The following TMEM132E variants were observed in gnomAD, a reference collection of about 807,000 sequenced individuals.
TMEM132E encodes the protein transmembrane protein 132E.
A neutral mutation model predicts 78.5 loss-of-function variants in TMEM132E; 49 were observed. The observed-to-expected ratio is 0.62, with a 90% CI of 0.50 to 0.79. The LOEUF is 0.79. TMEM132E is among the 30% of genes least tolerant of loss of function. The pLI, the probability that TMEM132E is intolerant of heterozygous loss-of-function variation, is 0.00. For synonymous variants in TMEM132E, 715 were observed against 670.6 expected, an observed-to-expected ratio of 1.07 and a Z score of -1.02; for missense variants, 1,403 against 1,470.9, an observed-to-expected ratio of 0.95 and a Z score of 0.75.
chr17:34,611,258 A>G (rs186944132), intron 1 of TMEM132E, among the ~76,000 whole-genome samples: 34 of 152,342 alleles, frequency 2.2e-4, no homozygotes, highest in African/African-American at 8.2e-4. Flanking sequence ...ACTCAAGAGC[A>G]GGCAGGGGTG....
At position 34,629,219 on chromosome 17, in the gene TMEM132E, G is replaced by A; in HGVS notation, c.1338+15G>A. On this transcript the variant is annotated intron_variant, in intron 4 of 8. Transcript: ENST00000631683. Reference sequence around the variant, plus strand: ...CCCTGGCCATGGTGAGCAGGCAGGTGACCAGCCCAGAAGATGCCTGGGTCT... The same window carrying A: ...CCCTGGCCATGGTGAGCAGGCAGGTAACCAGCCCAGAAGATGCCTGGGTCT... 6.2e-7 allele frequency: 1 copy of A among 1,612,672 alleles called. No individual in the cohort carries two copies. The highest frequency in any genetic ancestry group is 8.5e-7 in the Non-Finnish European group (1 of 1,179,528).
rs539661432 is a variant in TMEM132E at position 34,637,828 on chromosome 17, G to C, written c.2821G>C (p.Gly941Arg). Residue 941 changes from glycine to arginine, a missense_variant, in exon 9 of 9, where the codon GGG becomes CGG. Transcript: ENST00000631683. ...HSHHWVFLGNGQPLRVQGELS... is the reference protein window; with the variant it reads ...HSHHWVFLGNRQPLRVQGELS... ...TCACCACTGGGTGTTCCTGGGCAACGGGCAGCCGCTGCGGGTGCAAGGAGA... is the reference window on the plus strand; with the variant it reads ...TCACCACTGGGTGTTCCTGGGCAACCGGCAGCCGCTGCGGGTGCAAGGAGA... 2 of 1,611,204 alleles carry C rather than the reference G, an allele frequency of 1.2e-6. No homozygotes were observed. The highest frequency in any genetic ancestry group is 1.7e-5 in the Admixed American group (1 of 59,964).
chr17:34,597,298 C>T (rs113261075), intron 1 of TMEM132E, among the ~76,000 whole-genome samples: 1,879 of 152,248 alleles, frequency 0.012, 15 homozygotes, highest in Middle Eastern at 0.034. Flanking sequence ...TCCCTTGGGG[C>T]AGGGCTCCAG....
intron 1 of TMEM132E, among the ~76,000 whole-genome samples, chr17:34,581,431 C>T (rs1418541410): frequency 6.6e-6 from 1 of 151,914 alleles, no homozygotes; most frequent in East Asian, 2.0e-4. Flanking sequence ...TCGTGTCCGC[C>T]CACGGAAATC....
At chr17:34,613,457 T>C (rs1264689456) in intron 1 of TMEM132E, among the ~76,000 whole-genome samples, 1 of 145,960 alleles carries the variant, frequency 6.9e-6, no homozygotes, top group Non-Finnish European at 1.5e-5. Flanking sequence ...GGTTCCCTCC[T>C]GGGCCTTCTC....
rs150026307 is a variant in TMEM132E, at chr17:34,626,263, C to A, written c.204C>A (p.Val68=). ...AGGCGCGGCCCCCGTCACCCGCGGT[C>A]GCCAACAGCTCTCTGCAGCGCTCCG... ...LREARPPSPA[V]ANSSLQRSEP... The change falls in exon 2 of 9, where the codon GTC becomes GTA. Residue 68 remains valine, a synonymous_variant. Transcript: ENST00000631683. The A allele has an allele frequency of 1.2e-5, 19 of 1,604,494 alleles. No homozygotes were observed. Among genetic ancestry groups the A allele is most frequent in the Non-Finnish European group, 1.5e-5 (18 of 1,176,152 alleles).
At chr17:34,634,065 G>A (rs1907438478) in intron 6 of TMEM132E, among the ~76,000 whole-genome samples, 1 of 152,222 alleles carries the variant, frequency 6.6e-6, no homozygotes, top group South Asian at 2.1e-4. Context: ...AGAATGCTCT[G>A]TGTGAATGAA....
chr17:34,623,412 C>CCT (rs1907026317), intron 1 of TMEM132E, among the ~76,000 whole-genome samples: 2 of 147,296 alleles, frequency 1.4e-5, no homozygotes, highest in Admixed American at 1.3e-4. Flanking sequence ...CCCCCCCCCC[C>CCT]CCCCGTCCCT....
At chr17:34,625,675 G>A (rs1363360813) in intron 1 of TMEM132E, among the ~76,000 whole-genome samples, 1 of 152,126 alleles carries the variant, frequency 6.6e-6, no homozygotes, top group African/African-American at 2.4e-5. Context: ...CGCAGTGCAG[G>A]ATACACAGGG....
intron 1 of TMEM132E, among the ~76,000 whole-genome samples, chr17:34,618,951 G>A (rs534199315): frequency 1.4e-4 from 22 of 152,298 alleles, no homozygotes; most frequent in Admixed American, 7.2e-4. Context: ...CCAGTTCAGA[G>A]CCCTCTTCTT....
intron 1 of TMEM132E, among the ~76,000 whole-genome samples, chr17:34,591,980 G>A (rs1905884590): frequency 6.6e-6 from 1 of 152,222 alleles, no homozygotes; most frequent in African/African-American, 2.4e-5. Flanking sequence ...CGTGCCTGCT[G>A]GAGGGGCTCG....
chr17:34,584,312 TCTTA>T (rs1166026132), intron 1 of TMEM132E, among the ~76,000 whole-genome samples: 3 of 152,208 alleles, frequency 2.0e-5, no homozygotes, highest in Non-Finnish European at 4.4e-5. Context: ...CTCCAGAAAT[TCTTA>T]CTTAACCTTC....
intron 1 of TMEM132E, among the ~76,000 whole-genome samples, chr17:34,620,804 G>T (rs1567717988): frequency 6.6e-6 from 1 of 152,230 alleles, no homozygotes; most frequent in Non-Finnish European, 1.5e-5. Context: ...TCAAGGAGGA[G>T]GCAGTGGCTG....
chr17:34,628,173 T>C (rs1461415355), intron 2 of TMEM132E, among the ~76,000 whole-genome samples: 2 of 152,238 alleles, frequency 1.3e-5, no homozygotes, highest in Admixed American at 1.3e-4. Flanking sequence ...GGAATTGTTC[T>C]CTGTTGCCCA....
rs1378003351 is a variant in TMEM132E at position 34,638,087 on chromosome 17, C to T, written c.3080C>T (p.Ala1027Val). The T allele has an allele frequency of 5.7e-6, 9 of 1,592,578 alleles. No individual in the cohort carries two copies. The highest frequency in any genetic ancestry group is 6.8e-6 in the Non-Finnish European group (8 of 1,169,700). ...ACCACGCTGCCGTCAGAGGAGCTGG[C>T]CTATGACTCGGTGCCCGCGGGCGAA... ...TFTTLPSEEL[A>V]YDSVPAGEED... is the part of the protein sequence containing the mutation. The change falls in exon 9 of 9, where the codon GCC becomes GTC. Residue 1027 changes from alanine (A) to valine (V), a missense_variant. Physicochemically the swap from Ala to Val is moderately conservative, Grantham distance 64 (BLOSUM62 0). This residue lies in a region of TMEM132E where 888 missense variants were observed against 952.8 expected (regional missense o/e 0.93). Coordinates refer to ENST00000631683, the MANE Select transcript of TMEM132E (RefSeq NM_001304438.2).
chr17:34,635,475 T>C (rs573795424), intron 7 of TMEM132E, among the ~76,000 whole-genome samples: 90 of 152,320 alleles, frequency 5.9e-4, no homozygotes, highest in African/African-American at 2.1e-3. Context: ...TAAGAAACTG[T>C]TGTGATCTGT....
Position 34,632,758 on chromosome 17 carries a change from A to G in TMEM132E, c.1537A>G (p.Met513Val), listed in dbSNP as rs1339224216. Residue 513 changes from methionine (M) to valine (V), a missense_variant, in exon 6 of 9, where the codon ATG (methionine) becomes GTG (valine). Physicochemically the swap from Met to Val is conservative, Grantham distance 21. Coordinates refer to ENST00000631683, the MANE Select transcript of TMEM132E (RefSeq NM_001304438.2). ...FVSGKESRGS[M>V]NARVTFRYDV... ...GAGTGGAAAAGAGTCTCGAGGGTCC[A>G]TGAACGCCAGGGTCACCTTCCGCTA... 6 of 1,614,196 alleles carry G rather than the reference A, an allele frequency of 3.7e-6. No homozygotes were observed. Among genetic ancestry groups the G allele is most frequent in the East Asian group, 4.5e-5 (2 of 44,880 alleles).
Position 34,632,742 on chromosome 17 carries a change from A to G in TMEM132E, c.1521A>G (p.Lys507=). 2 of 1,614,108 alleles carry G rather than the reference A, an allele frequency of 1.2e-6. No individual in the cohort carries two copies. The highest frequency in any genetic ancestry group is 2.2e-5 in the South Asian group (2 of 91,082). ...GTGACTACGTGTTTGTGAGTGGAAA[A>G]GAGTCTCGAGGGTCCATGAACGCCA... is the stretch of plus-strand genomic sequence containing the variant. The part of the protein sequence containing the change: ...SSCDYVFVSG[K]ESRGSMNARV... Residue 507 remains lysine, a synonymous_variant, in exon 6 of 9, where the codon AAA becomes AAG. Coordinates refer to ENST00000631683, the MANE Select transcript of TMEM132E (RefSeq NM_001304438.2).
intron 1 of TMEM132E, among the ~76,000 whole-genome samples, chr17:34,613,222 C>T (rs1034981910): frequency 2.6e-5 from 4 of 151,500 alleles, no homozygotes; most frequent in South Asian, 2.1e-4. Flanking sequence ...CGCGCGCGCG[C>T]GCGCGTTCTT....
Sources: gnomAD v4.1 joint callset for allele counts (sites outside exome capture counted in the v4.1 genomes callset) on GRCh38, gnomAD v4.1.1 for gene constraint, gnomAD v4.1.1 regional missense constraint, MANE v1.5 for transcripts, NCBI Gene and HGNC (gene_info 2026-07-23, HGNC 2026-07-21) for gene names.